MEGF11: variants seen among roughly 807,000 people sequenced by gnomAD.
The protein encoded by MEGF11 is multiple EGF like domains 11, also known as multiple epidermal growth factor-like domains protein 11.
Under a neutral mutation model 146.6 loss-of-function variants are expected in MEGF11, and 126 were observed. That is an observed-to-expected ratio of 0.86 (90% CI 0.74 to 1.00). MEGF11 has a LOEUF of 1.00. Ranked by LOEUF, MEGF11 falls within the 50% of genes least tolerant of loss-of-function variation. MEGF11 has a pLI of 0.00. For synonymous variants in MEGF11, 532 were observed against 583.4 expected, an observed-to-expected ratio of 0.91 and a Z score of 1.27; for missense variants, 1,509 against 1,521.2, an observed-to-expected ratio of 0.99 and a Z score of 0.13.
chr15:65,965,600 C>CTTTTTTTTT (rs767520450), intron 8 of MEGF11, among the ~76,000 whole-genome samples: 1 of 18,880 alleles, frequency 5.3e-5, no homozygotes, highest in Non-Finnish European at 9.0e-5. Context: ...TTCTTTCTTT[C>CTTTTTTTTT]TTTTTTTTTT....
At chr15:66,048,998 G>T (rs976314688) in intron 5 of MEGF11, among the ~76,000 whole-genome samples, 4 of 152,160 alleles carry the variant, frequency 2.6e-5, no homozygotes, top group African/African-American at 9.7e-5. Flanking sequence ...GACCACCAGG[G>T]GTTTGTCCTA....
Position 66,063,885 on chromosome 15 carries a change from G to C in MEGF11, c.394+30517C>G, listed in dbSNP as rs56277235. Among the ~76,000 whole-genome samples, 1,272 of 152,252 alleles carry C rather than the reference G, an allele frequency of 8.4e-3. 16 individuals carry two copies. Among genetic ancestry groups the C allele is most frequent in the Non-Finnish European group, 0.013 (896 of 68,014 alleles). Reference sequence around the variant, plus strand: ...ACTTCTTAAGTGAAGCTTGTGATTGGGTATGACTATCCTTACTTTTTTCTA... The same window carrying C: ...ACTTCTTAAGTGAAGCTTGTGATTGCGTATGACTATCCTTACTTTTTTCTA... On this transcript the variant is annotated intron_variant, in intron 5 of 25. Coordinates refer to ENST00000395614, the MANE Select transcript of MEGF11 (RefSeq NM_001385028.1).
chr15:66,019,323 T>C (rs2083015064), intron 5 of MEGF11, among the ~76,000 whole-genome samples: 1 of 152,208 alleles, frequency 6.6e-6, no homozygotes, highest in Non-Finnish European at 1.5e-5. Flanking sequence ...GAAAAAAACC[T>C]TCTGTGGCCC....
At chr15:66,134,217 G>A (rs2088785589) in intron 1 of MEGF11, among the ~76,000 whole-genome samples, 1 of 152,040 alleles carries the variant, frequency 6.6e-6, no homozygotes, top group Admixed American at 6.6e-5. Flanking sequence ...TAAAGCGCCA[G>A]CCTCCCTCCC....
chr15:66,056,239 G>T (rs1412914247), intron 5 of MEGF11, among the ~76,000 whole-genome samples: 2 of 150,620 alleles, frequency 1.3e-5, no homozygotes, highest in Non-Finnish European at 2.9e-5. Flanking sequence ...ATTTCTTGCT[G>T]TTCTGGGCCT....
At chr15:65,972,404 C>A (rs1056578897) in intron 7 of MEGF11, among the ~76,000 whole-genome samples, 7 of 152,102 alleles carry the variant, frequency 4.6e-5, no homozygotes, top group African/African-American at 1.7e-4. Context: ...ATGATGTTAA[C>A]AGATTTTAGA....
chr15:66,055,834 G>GGGT (rs1402988882), intron 5 of MEGF11, among the ~76,000 whole-genome samples: 1 of 152,144 alleles, frequency 6.6e-6, no homozygotes, highest in Non-Finnish European at 1.5e-5. Flanking sequence ...TGCAGTTGAG[G>GGGT]GGTGGTGGTG....
rs995843726 is a variant in MEGF11, at chr15:66,008,411, G to GCA, written c.395-25925_395-25924dup. ...GAAACACACATGCACACGCGCGCGC[G>GCA]CACACACACACACACACACACACAC... On this transcript the variant is annotated intron_variant, in intron 5 of 25. Coordinates refer to ENST00000395614, the MANE Select transcript of MEGF11 (RefSeq NM_001385028.1). Among the ~76,000 whole-genome samples the GCA allele has an allele frequency of 6.0e-3, 315 of 52,098 alleles. 1 individual carries two copies. Among genetic ancestry groups the GCA allele is most frequent in the African/African-American group, 0.015 (303 of 20,604 alleles). 34.2% of individuals were successfully genotyped at this position (52,098 alleles called of 152,430 possible). A position where few individuals can be genotyped will look rare whatever the true frequency, so the allele number is the denominator to read the frequency against.
intron 5 of MEGF11, among the ~76,000 whole-genome samples, chr15:66,057,253 G>T (rs1182042064): frequency 6.6e-6 from 1 of 152,140 alleles, no homozygotes; most frequent in Non-Finnish European, 1.5e-5. Flanking sequence ...GCGTCGGGGA[G>T]GTTGGCTGGT....
intron 24 of MEGF11, among the ~76,000 whole-genome samples, chr15:65,899,875 G>C (rs551894379): frequency 3.3e-5 from 5 of 152,296 alleles, no homozygotes; most frequent in Admixed American, 3.3e-4. Flanking sequence ...CGAGACTTCA[G>C]AGTACAAAAG....
chr15:66,073,070 G>A (rs984207521), intron 5 of MEGF11, among the ~76,000 whole-genome samples: 6 of 152,218 alleles, frequency 3.9e-5, no homozygotes, highest in Admixed American at 3.9e-4. Flanking sequence ...GGAGGATTTA[G>A]GGGCTGGCCT....
At chr15:66,201,065 T>A (rs2091145872) in intron 1 of MEGF11, among the ~76,000 whole-genome samples, 1 of 152,132 alleles carries the variant, frequency 6.6e-6, no homozygotes, top group South Asian at 2.1e-4. Context: ...GGCCTCCATG[T>A]GACTCAGGAT....
intron 5 of MEGF11, among the ~76,000 whole-genome samples, chr15:65,993,907 T>A (rs945039817): frequency 2.0e-5 from 3 of 152,186 alleles, no homozygotes; most frequent in African/African-American, 7.2e-5. Flanking sequence ...GGCACCACCC[T>A]TCCAGACGTC....
intron 19 of MEGF11, among the ~76,000 whole-genome samples, chr15:65,914,451 G>A (rs2078924657): frequency 6.6e-6 from 1 of 152,118 alleles, no homozygotes; most frequent in South Asian, 2.1e-4. Context: ...TTTGTAACAT[G>A]GGGACAATAA....
intron 1 of MEGF11, among the ~76,000 whole-genome samples, chr15:66,248,456 C>T (rs2092326859): frequency 6.6e-6 from 1 of 152,174 alleles, no homozygotes; most frequent in African/African-American, 2.4e-5. Flanking sequence ...AAGTCCTGGC[C>T]CCTGCCCTCA....
chr15:66,107,577 T>C (rs1194423135), intron 4 of MEGF11, among the ~76,000 whole-genome samples: 6 of 152,154 alleles, frequency 3.9e-5, no homozygotes, highest in African/African-American at 1.4e-4. Context: ...AGAGCAGGGT[T>C]CCCAGACTCT....
At chr15:66,109,389 T>A (rs573808700) in intron 4 of MEGF11, among the ~76,000 whole-genome samples, 1 of 152,324 alleles carries the variant, frequency 6.6e-6, no homozygotes, top group South Asian at 2.1e-4. Flanking sequence ...CCTTTGCTCA[T>A]GCTGCCCCTC....
At chr15:66,071,015 A>C (rs1159697929) in intron 5 of MEGF11, among the ~76,000 whole-genome samples, 1 of 152,122 alleles carries the variant, frequency 6.6e-6, no homozygotes, top group Non-Finnish European at 1.5e-5. Context: ...GCTGTGGTGT[A>C]TCTTGGTGGC....
At chr15:65,924,479 C>T (rs1003268682) in intron 13 of MEGF11, among the ~76,000 whole-genome samples, 1 of 151,974 alleles carries the variant, frequency 6.6e-6, no homozygotes, top group African/African-American at 2.4e-5. Context: ...GTTCAGGTGC[C>T]CAAGAGGTGA....
Sources: allele counts gnomAD v4.1 joint callset (sites outside exome capture counted in the v4.1 genomes callset), GRCh38; gene constraint gnomAD v4.1.1; transcripts MANE v1.5; gene names NCBI Gene and HGNC (gene_info 2026-07-23, HGNC 2026-07-21).